KCNN3: variants seen among roughly 807,000 people sequenced by gnomAD.
KCNN3 encodes the protein potassium calcium-activated channel subfamily N member 3, also known as small conductance calcium-activated potassium channel protein 3.
A neutral mutation model predicts 62.9 loss-of-function variants in KCNN3; 16 were observed. The ratio of observed to expected loss-of-function variants is 0.25; its 90% CI spans 0.17 to 0.39. The LOEUF (loss-of-function observed/expected upper bound fraction) is 0.39, where lower values mean the gene tolerates loss of function less well. Among genes scored for constraint, KCNN3 ranks in the 10% least tolerant of loss-of-function variants. KCNN3 has a pLI of 1.00. For missense variants in KCNN3, 599 were observed against 949.4 expected (o/e 0.63, Z 4.85); for synonymous variants, 370 against 389.2 (o/e 0.95, Z 0.58).
chr1:154,861,405 A>G (rs1448128462), intron 1 of KCNN3, among the ~76,000 whole-genome samples: 2 of 152,016 alleles, frequency 1.3e-5, no homozygotes, highest in Non-Finnish European at 2.9e-5. Flanking sequence ...GCCTGTGTTC[A>G]CTGCCTGCCC....
At chr1:154,764,259 T>C (rs1648156934) in intron 3 of KCNN3, among the ~76,000 whole-genome samples, 1 of 152,246 alleles carries the variant, frequency 6.6e-6, no homozygotes, top group Non-Finnish European at 1.5e-5. Flanking sequence ...TCTTCCTTCC[T>C]GCTTCCTTTA....
Position 154,869,854 on chromosome 1 carries a change from TTGCTGCTGCTGC to T in KCNN3, c.99_110del (p.Gln38_Gln41del), listed in dbSNP as rs746772658. The T allele has an allele frequency of 1.8e-5, 29 of 1,583,694 alleles. No individual in the cohort carries two copies. Among genetic ancestry groups the T allele is most frequent in the Admixed American group, 7.0e-5 (4 of 56,956 alleles). Reference sequence around the variant, plus strand: ...CTGGCGGTGGTGGCTGCTGCTGCTGTTGCTGCTGCTGCTGCTGCTGCTGCTCATCCCCAGAGG... The same window carrying T: ...CTGGCGGTGGTGGCTGCTGCTGCTGTTGCTGCTGCTGCTCATCCCCAGAGG... On this transcript the variant is annotated inframe_deletion, in exon 1 of 8. Coordinates refer to ENST00000271915, the MANE Select transcript of KCNN3 (RefSeq NM_002249.6). The surrounding 1 kb of genome is among the most constrained non-coding windows in gnomAD (Gnocchi z 6.1).
At chr1:154,823,820 G>A (rs1039317613) in intron 1 of KCNN3, among the ~76,000 whole-genome samples, 13 of 152,082 alleles carry the variant, frequency 8.5e-5, no homozygotes, top group African/African-American at 1.9e-4. Flanking sequence ...GGGGTGAGGC[G>A]GTATGTCCAA....
intron 3 of KCNN3, among the ~76,000 whole-genome samples, chr1:154,760,187 C>T (rs1198050298): frequency 6.6e-6 from 1 of 151,770 alleles, no homozygotes; most frequent in Non-Finnish European, 1.5e-5. Context: ...AATAATTTCC[C>T]TATTTCTTGA....
chr1:154,856,081 A>G (rs1336204958), intron 1 of KCNN3, among the ~76,000 whole-genome samples: 1 of 152,204 alleles, frequency 6.6e-6, no homozygotes, highest in Non-Finnish European at 1.5e-5. Flanking sequence ...TTTCCTTTCC[A>G]TAGACTTTTA....
At chr1:154,783,212 C>CAA (rs11319743) in intron 2 of KCNN3, among the ~76,000 whole-genome samples, 43 of 140,304 alleles carry the variant, frequency 3.1e-4, no homozygotes, top group Admixed American at 4.9e-4. Flanking sequence ...GACTCCATCT[C>CAA]AAAAAAAAAA....
intron 2 of KCNN3, among the ~76,000 whole-genome samples, chr1:154,788,815 T>G (rs901895990): frequency 6.6e-6 from 1 of 152,222 alleles, no homozygotes; most frequent in African/African-American, 2.4e-5. Context: ...GACTTACACA[T>G]ACTAGCTTCT....
intron 7 of KCNN3, among the ~76,000 whole-genome samples, chr1:154,711,573 C>T (rs1700076086): frequency 6.6e-6 from 1 of 151,520 alleles, no homozygotes; most frequent in Non-Finnish European, 1.5e-5. Context: ...GCATGTCCTG[C>T]AAGGTGAGAG....
chr1:154,869,146 C>T lies in KCNN3; in HGVS notation c.819G>A (p.Arg273=), dbSNP rs773536080. 2.5e-6 allele frequency: 4 copies of T among 1,614,030 alleles called. No individual in the cohort carries two copies. Among genetic ancestry groups the T allele is most frequent in the East Asian group, 2.2e-5 (1 of 44,888 alleles). The stretch of plus-strand genomic sequence containing the variant: ...GCTTTCTCTTTTCAAACAGGGCCCT[C>T]CTGTGTCCCAGCTTATAGCCAATGT... ...NQNIGYKLGH[R]RALFEKRKRL... The change falls in exon 1 of 8, where the codon AGG becomes AGA. Residue 273 remains arginine (R), a synonymous_variant. Transcript: ENST00000271915. The surrounding 1 kb of genome is among the most constrained non-coding windows in gnomAD (Gnocchi z 6.1).
intron 3 of KCNN3, among the ~76,000 whole-genome samples, chr1:154,740,000 G>A (rs759298958): frequency 8.5e-5 from 13 of 152,224 alleles, no homozygotes; most frequent in East Asian, 3.8e-4. Context: ...ACCCTGAGAT[G>A]GTAAATGTCT....
chr1:154,765,694 T>A (rs1395880659), intron 3 of KCNN3, among the ~76,000 whole-genome samples: 3 of 149,064 alleles, frequency 2.0e-5, no homozygotes, highest in Non-Finnish European at 3.0e-5. Flanking sequence ...AGTGGCGCAA[T>A]CTCTGCTCGC....
chr1:154,776,388 C>T (rs1355321639), intron 2 of KCNN3, among the ~76,000 whole-genome samples: 1 of 151,918 alleles, frequency 6.6e-6, no homozygotes, highest in East Asian at 1.9e-4. Context: ...AGCTGGCTGG[C>T]CTGGGGGCAC....
At chr1:154,784,893 G>A (rs551897842) in intron 2 of KCNN3, among the ~76,000 whole-genome samples, 1 of 152,248 alleles carries the variant, frequency 6.6e-6, no homozygotes, top group African/African-American at 2.4e-5. Context: ...AGGTCATACA[G>A]TTAATAAGGG....
intron 5 of KCNN3, among the ~76,000 whole-genome samples, chr1:154,724,320 C>T (rs2101780029): frequency 6.6e-6 from 1 of 152,322 alleles, no homozygotes; most frequent in African/African-American, 2.4e-5. Context: ...ATTTCTAACA[C>T]ATTTTTGCTG....
chr1:154,727,096 C>T (rs1486480435), intron 4 of KCNN3, among the ~76,000 whole-genome samples: 2 of 152,344 alleles, frequency 1.3e-5, no homozygotes, highest in South Asian at 2.1e-4. Flanking sequence ...CGGCAGGCAG[C>T]GGGAGTCAGC....
chr1:154,746,289 G>T (rs545372050), intron 3 of KCNN3, among the ~76,000 whole-genome samples: 1 of 152,288 alleles, frequency 6.6e-6, no homozygotes, highest in South Asian at 2.1e-4. Context: ...GGGCCACTGC[G>T]CAGGGGACAC....
intron 2 of KCNN3, among the ~76,000 whole-genome samples, chr1:154,799,826 G>T (rs954443487): frequency 6.6e-6 from 1 of 152,206 alleles, no homozygotes; most frequent in African/African-American, 2.4e-5. Context: ...ACCCAGGAAA[G>T]GTCACTGAGA....
chr1:154,734,247 C>A (rs977618839), intron 3 of KCNN3, among the ~76,000 whole-genome samples: 2 of 152,210 alleles, frequency 1.3e-5, no homozygotes, highest in African/African-American at 4.8e-5. Context: ...GAACAACACA[C>A]AATAGACTCT....
At chr1:154,859,864 ACT>A in intron 1 of KCNN3, 1 of 1,543,878 alleles carries the variant, frequency 6.5e-7, no homozygotes, top group Non-Finnish European at 8.7e-7. Flanking sequence ...ACTGAGCAGC[ACT>A]CCTGTCCTTT....
Sources: allele counts gnomAD v4.1 joint callset (sites outside exome capture counted in the v4.1 genomes callset), GRCh38; gene constraint gnomAD v4.1.1; non-coding constraint Gnocchi (gnomAD v3.1); transcripts MANE v1.5; gene names NCBI Gene and HGNC (gene_info 2026-07-23, HGNC 2026-07-21).